COLEC12: variants seen among roughly 807,000 people sequenced by gnomAD.
COLEC12 encodes collectin subfamily member 12, also known as collectin-12.
COLEC12 carries 33 observed loss-of-function variants against 71.1 expected under a neutral mutation model. That is an observed-to-expected ratio of 0.46 (90% CI 0.35 to 0.62). The LOEUF (loss-of-function observed/expected upper bound fraction) is 0.62. COLEC12 is among the 20% of genes least tolerant of loss of function. The pLI, the probability that COLEC12 is intolerant of heterozygous loss-of-function variation, is 0.00. For synonymous variants in COLEC12, 350 were observed against 353.0 expected, an observed-to-expected ratio of 0.99 and a Z score of 0.10; for missense variants, 765 against 916.1, an observed-to-expected ratio of 0.84 and a Z score of 2.13.
At chr18:473,788 T>C (rs1352131037) in intron 2 of COLEC12, among the ~76,000 whole-genome samples, 1 of 152,242 alleles carries the variant, frequency 6.6e-6, no homozygotes, top group Non-Finnish European at 1.5e-5. Context: ...AACCTAAATG[T>C]CTTCATGCTG....
At chr18:334,491 G>A (rs116989689) in intron 6 of COLEC12, 10,401 of 321,296 alleles carry the variant, frequency 0.032, 1,211 homozygotes, top group East Asian at 0.32. Context: ...AGCTGGCTGT[G>A]GGGGCACACG....
chr18:407,042 G>A (rs1184463710), intron 2 of COLEC12, among the ~76,000 whole-genome samples: 1 of 152,242 alleles, frequency 6.6e-6, no homozygotes. Flanking sequence ...TCTGCTAGAT[G>A]GGCACAGTCG....
At chr18:367,298 T>C (rs758478011) in intron 2 of COLEC12, among the ~76,000 whole-genome samples, 1 of 152,112 alleles carries the variant, frequency 6.6e-6, no homozygotes, top group Admixed American at 6.5e-5. Flanking sequence ...ATGTGAAAAT[T>C]ATGCTGCTGA....
intron 2 of COLEC12, among the ~76,000 whole-genome samples, chr18:409,156 G>C (rs1915844004): frequency 6.6e-6 from 1 of 152,158 alleles, no homozygotes; most frequent in Non-Finnish European, 1.5e-5. Context: ...CTTATTATCA[G>C]CTTATTCCTC....
In COLEC12 at chr18:399,402, C is replaced by A. The variant is rs1267527708; in HGVS notation, c.59-41880G>T. Among the ~76,000 whole-genome samples, 1 of 152,198 alleles carries A rather than the reference C, an allele frequency of 6.6e-6. No homozygotes were observed. Among genetic ancestry groups the A allele is most frequent in the Non-Finnish European group, 1.5e-5 (1 of 68,042 alleles). The stretch of plus-strand genomic sequence containing the variant: ...TGTAGCGCGCAGCTCTGTGCCCCTG[C>A]CCAGCCACTCCCTGATAGCTGGAAT... On this transcript the variant is annotated intron_variant, in intron 2 of 9. Coordinates refer to ENST00000400256, the MANE Select transcript of COLEC12 (RefSeq NM_130386.3). This position sits in a 1 kb window ranked among gnomAD's most constrained non-coding sequence, Gnocchi z 4.0.
At chr18:394,848 A>C (rs1198045783) in intron 2 of COLEC12, among the ~76,000 whole-genome samples, 1 of 152,208 alleles carries the variant, frequency 6.6e-6, no homozygotes, top group Non-Finnish European at 1.5e-5. Context: ...ACAGAAACTA[A>C]GTACAAATAA....
At chr18:464,965 C>T (rs1378215435) in intron 2 of COLEC12, among the ~76,000 whole-genome samples, 1 of 152,222 alleles carries the variant, frequency 6.6e-6, no homozygotes, top group African/African-American at 2.4e-5. Flanking sequence ...TAGACGCTCC[C>T]ATCACACTGG....
At position 321,812 on chromosome 18, in the gene COLEC12, T is replaced by C. The variant is rs775555992; in HGVS notation, c.2064-5A>G. On this transcript the variant is annotated splice_polypyrimidine_tract_variant and splice_region_variant and intron_variant, in intron 8 of 9. Coordinates refer to ENST00000400256, the MANE Select transcript of COLEC12 (RefSeq NM_130386.3). Reference sequence around the variant, plus strand: ...GGCTGTCCAGCTTTCCAATTTCTTTTAGCAAAACAGAAATTGAATGTTATT... The same window carrying C: ...GGCTGTCCAGCTTTCCAATTTCTTTCAGCAAAACAGAAATTGAATGTTATT... 19 of 1,612,818 alleles carry C rather than the reference T, an allele frequency of 1.2e-5. No individual in the cohort carries two copies. The highest frequency in any genetic ancestry group is 1.6e-4 in the Middle Eastern group (1 of 6,076).
intron 2 of COLEC12, among the ~76,000 whole-genome samples, chr18:384,734 C>A (rs1289636949): frequency 1.3e-5 from 2 of 152,140 alleles, no homozygotes; most frequent in African/African-American, 4.8e-5. Flanking sequence ...AACTGTGATT[C>A]CAGGTGTCTT....
intron 8 of COLEC12, among the ~76,000 whole-genome samples, chr18:326,638 C>G (rs1339483728): frequency 2.0e-5 from 3 of 152,180 alleles, no homozygotes; most frequent in African/African-American, 7.2e-5. Context: ...CGTGAGCCAC[C>G]ATGCCTGGCC....
At chr18:417,306 C>G (rs923741881) in intron 2 of COLEC12, among the ~76,000 whole-genome samples, 5 of 152,096 alleles carry the variant, frequency 3.3e-5, no homozygotes, top group Non-Finnish European at 7.4e-5. Flanking sequence ...AGAAAAGGTA[C>G]AATAAAAATA....
chr18:347,132 T>C lies in COLEC12; in HGVS notation c.490A>G (p.Ile164Val), dbSNP rs773202388. The C allele has an allele frequency of 1.9e-6, 3 of 1,614,218 alleles. No homozygotes were observed. The highest frequency in any genetic ancestry group is 2.5e-6 in the Non-Finnish European group (3 of 1,180,048). The change falls in exon 5 of 10, where the codon ATC becomes GTC. Residue 164 changes from isoleucine to valine, a missense_variant. Coordinates refer to ENST00000400256, the MANE Select transcript of COLEC12 (RefSeq NM_130386.3). ...TGGAGGGTTTTGTTTACAGTGGTGA[T>C]GAGGAAAGAGTTATTCTCCAAAGTT... ...KETLENNSFL[I>V]TTVNKTLQAY...
chr18:446,696 A>G (rs1916660969), intron 2 of COLEC12, among the ~76,000 whole-genome samples: 3 of 152,142 alleles, frequency 2.0e-5, no homozygotes, highest in Admixed American at 1.3e-4. Context: ...CTAATTTCAA[A>G]TTATTGTCTT....
intron 2 of COLEC12, among the ~76,000 whole-genome samples, chr18:396,930 G>T (rs1247502713): frequency 6.6e-6 from 1 of 152,164 alleles, no homozygotes; most frequent in Non-Finnish European, 1.5e-5. Flanking sequence ...GGGCAGGTTG[G>T]AGAGGCCAGC....
intron 2 of COLEC12, among the ~76,000 whole-genome samples, chr18:444,164 CT>C (rs67243858): frequency 0.13 from 19,029 of 152,142 alleles, 1,608 homozygotes; most frequent in East Asian, 0.37. Context: ...ATGAAACAAC[CT>C]CATCAGAAAC....
intron 2 of COLEC12, among the ~76,000 whole-genome samples, chr18:449,784 C>T (rs941789322): frequency 2.0e-5 from 3 of 152,212 alleles, no homozygotes; most frequent in African/African-American, 7.2e-5. Flanking sequence ...TTCTGACAGG[C>T]AATCTCTGCT....
chr18:482,184 C>T (rs562689987), intron 1 of COLEC12, among the ~76,000 whole-genome samples: 21 of 150,504 alleles, frequency 1.4e-4, no homozygotes, highest in Non-Finnish European at 2.4e-4. Flanking sequence ...GGCGCGATCT[C>T]GGCTCACTGC....
intron 2 of COLEC12, among the ~76,000 whole-genome samples, chr18:476,569 A>G (rs1289696527): frequency 6.6e-6 from 1 of 151,846 alleles, no homozygotes; most frequent in Non-Finnish European, 1.5e-5. Context: ...TCAATGAAAC[A>G]AAGTCAGTCT....
intron 2 of COLEC12, among the ~76,000 whole-genome samples, chr18:359,957 A>G (rs1006555476): frequency 6.6e-6 from 1 of 152,236 alleles, no homozygotes; most frequent in African/African-American, 2.4e-5. Flanking sequence ...AACAGCATAT[A>G]ACAATGACTT....
Sources: gnomAD v4.1 joint callset for allele counts (sites outside exome capture counted in the v4.1 genomes callset) on GRCh38, gnomAD v4.1.1 for gene constraint, Gnocchi (gnomAD v3.1) non-coding constraint, MANE v1.5 for transcripts, NCBI Gene and HGNC (gene_info 2026-07-23, HGNC 2026-07-21) for gene names.